The following BCL2L13 variants were observed in gnomAD, a reference collection of about 807,000 sequenced individuals.
BCL2L13 encodes the protein BCL2 like 13.
Under a neutral mutation model 25.8 loss-of-function variants are expected in BCL2L13, and 13 were observed. That is an observed-to-expected ratio of 0.50 (90% CI 0.33 to 0.80). The LOEUF (loss-of-function observed/expected upper bound fraction) is 0.80, where lower values mean the gene tolerates loss of function less well. BCL2L13 is among the 30% of genes least tolerant of loss of function. The probability of loss-of-function intolerance (pLI) is 0.02; values close to 1 mark genes in which losing one functional copy is unlikely to be tolerated. For synonymous variants in BCL2L13, 244 were observed against 230.3 expected (o/e 1.06, Z -0.54); for missense variants, 504 against 574.9 (o/e 0.88, Z 1.26).
chr22:17,663,921 T>A (rs554858428), intron 2 of BCL2L13, among the ~76,000 whole-genome samples: 9 of 152,064 alleles, frequency 5.9e-5, no homozygotes, highest in Admixed American at 5.2e-4. Context: ...CGATCTTGGC[T>A]CACTGCAACC....
Position 17,727,154 on chromosome 22 carries a change from C to T in BCL2L13, c.1078C>T (p.Pro360Ser), listed in dbSNP as rs9306198. ...CACCTCCCTGCTGGGGACAAGGGAACCTGACACAGAAGTGATCACAGTTGA... is the reference window on the plus strand; with the variant it reads ...CACCTCCCTGCTGGGGACAAGGGAATCTGACACAGAAGTGATCACAGTTGA... ...TATSLLGTRE[P>S]DTEVITVEKS... The change falls in exon 7 of 7, where the codon CCT becomes TCT. Residue 360 changes from proline (P) to serine (S), a missense_variant. Coordinates refer to ENST00000317582, the MANE Select transcript of BCL2L13 (RefSeq NM_015367.4). 178,793 of 1,614,130 alleles carry T rather than the reference C, an allele frequency of 0.11. 11,134 individuals are homozygous for T. The highest frequency in any genetic ancestry group is 0.15 in the Middle Eastern group (939 of 6,062).
chr22:17,675,757 G>A (rs543125879), intron 2 of BCL2L13, among the ~76,000 whole-genome samples: 1 of 152,282 alleles, frequency 6.6e-6, no homozygotes, highest in African/African-American at 2.4e-5. Context: ...CAGCTTTTTA[G>A]TAAAACTTCC....
At chr22:17,698,145 T>C (rs7291752) in intron 5 of BCL2L13, among the ~76,000 whole-genome samples, 77,595 of 151,112 alleles carry the variant, frequency 0.51, 20,645 homozygotes, top group East Asian at 0.84. Flanking sequence ...AGTCTCGCTT[T>C]GTTGTCCAGG....
At chr22:17,706,948 A>G in intron 6 of BCL2L13, 2 of 686,442 alleles carry the variant, frequency 2.9e-6, no homozygotes, top group South Asian at 1.8e-5. Context: ...ATATTTAAGT[A>G]TTTTGAATAA....
At chr22:17,674,618 A>T (rs2059522458) in intron 2 of BCL2L13, among the ~76,000 whole-genome samples, 1 of 150,950 alleles carries the variant, frequency 6.6e-6, no homozygotes, top group South Asian at 2.1e-4. Flanking sequence ...AAAAAAAAAA[A>T]AAAAGAAAGA....
Position 17,656,335 on chromosome 22 carries a change from C to CTTTTTTT in BCL2L13, c.121+530_121+536dup, listed in dbSNP as rs890631679. 2.1e-3 allele frequency among the ~76,000 whole-genome samples: 124 copies of CTTTTTTT among 57,890 alleles called. 15 individuals carry two copies. Among genetic ancestry groups the CTTTTTTT allele is most frequent in the East Asian group, 7.0e-3 (8 of 1,140 alleles). The allele number at this position is 57,890 out of a possible 152,430, so 38.0% of individuals were successfully genotyped here. ...CAAAAGTATTTTTTTTCATTTTATT[C>CTTTTTTT]TTTTTTTTTTTTTTTTTTTTTTTTT... On this transcript the variant is annotated intron_variant, in intron 2 of 6. Transcript: ENST00000317582.
chr22:17,706,603 T>G (rs996210844), intron 6 of BCL2L13: 1 of 1,101,958 alleles, frequency 9.1e-7, no homozygotes, highest in African/African-American at 1.6e-5. Flanking sequence ...AAGAGTGTGG[T>G]TTTTTTCCCT....
At chr22:17,686,000 C>T (rs1351887112) in intron 3 of BCL2L13, among the ~76,000 whole-genome samples, 2 of 151,376 alleles carry the variant, frequency 1.3e-5, no homozygotes, top group Non-Finnish European at 2.9e-5. Flanking sequence ...TCTTGATCTC[C>T]TGACCTCATG....
intron 1 of BCL2L13, among the ~76,000 whole-genome samples, chr22:17,631,683 TATATATATATATATATATATATA>T (rs1334812229): frequency 2.5e-4 from 8 of 31,830 alleles, no homozygotes; most frequent in South Asian, 1.7e-3. Context: ...TATATATATA[TATATATATATATATATATATATA>T]TTTTTTTTTT....
rs1251654670 is a variant in BCL2L13, at chr22:17,727,267, G to C, written c.1191G>C (p.Glu397Asp). 1 of 1,614,128 alleles carries C rather than the reference G, an allele frequency of 6.2e-7. No homozygotes were observed. Among genetic ancestry groups the C allele is most frequent in the African/African-American group, 1.3e-5 (1 of 74,944 alleles). The stretch of plus-strand genomic sequence containing the variant: ...CAACTGAACCTACTGAAGTGGAGGA[G>C]GTGGTCCCCGCACTGGAACCCACAG... ...AATTEPTEVE[E>D]VVPALEPTET... Residue 397 changes from glutamate to aspartate, a missense_variant, in exon 7 of 7, where the codon GAG becomes GAC. Coordinates refer to ENST00000317582, the MANE Select transcript of BCL2L13 (RefSeq NM_015367.4).
rs200196801 is a variant in BCL2L13, at chr22:17,683,258, T to C, written c.166T>C (p.Leu56=). The C allele has an allele frequency of 1.0e-4, 164 of 1,595,428 alleles. No individual in the cohort carries two copies. Among genetic ancestry groups the C allele is most frequent in the Non-Finnish European group, 1.3e-5 (15 of 1,168,734 alleles). Residue 56 remains leucine (L), a synonymous_variant, in exon 3 of 7, where the codon TTA becomes CTA. Coordinates refer to ENST00000317582, the MANE Select transcript of BCL2L13 (RefSeq NM_015367.4). ...IASQSLDQEI[L]LKVKTEIEEE... ...TTCACAATCTCTGGATCAAGAAATT[T>C]TATTAAAAGTTAAAACTGAAATTGA...
intron 5 of BCL2L13, among the ~76,000 whole-genome samples, chr22:17,701,720 G>A (rs1337852869): frequency 1.3e-5 from 2 of 152,120 alleles, no homozygotes; most frequent in Non-Finnish European, 2.9e-5. Context: ...GAGGCCAGGA[G>A]TTTGAGACCA....
At position 17,728,643 on chromosome 22, in the gene BCL2L13, T is replaced by G. The variant is rs1350514526; in HGVS notation, c.*1109T>G. 6.6e-6 allele frequency: 1 copy of G among 152,238 alleles called. No individual in the cohort carries two copies. Among genetic ancestry groups the G allele is most frequent in the Non-Finnish European group, 1.5e-5 (1 of 68,036 alleles). 9.4% of individuals were successfully genotyped at this position (152,238 alleles called of 1,614,324 possible). ...GGGTAAGGATTTTTATTCTTGGGCTTATAGAGCCAGTTAGATCATAATTCT... is the reference window on the plus strand; with the variant it reads ...GGGTAAGGATTTTTATTCTTGGGCTGATAGAGCCAGTTAGATCATAATTCT... On this transcript the variant is annotated 3_prime_UTR_variant, in exon 7 of 7. Coordinates refer to ENST00000317582, the MANE Select transcript of BCL2L13 (RefSeq NM_015367.4).
intron 6 of BCL2L13, among the ~76,000 whole-genome samples, chr22:17,704,987 CAAAA>C (rs138284178): frequency 8.8e-6 from 1 of 114,104 alleles, no homozygotes; most frequent in African/African-American, 2.9e-5. Flanking sequence ...GAAAGATAGG[CAAAA>C]AAAAAAAAAA....
chr22:17,701,077 T>C (rs146432294), intron 5 of BCL2L13, among the ~76,000 whole-genome samples: 9 of 152,274 alleles, frequency 5.9e-5, no homozygotes, highest in Non-Finnish European at 1.3e-4. Flanking sequence ...ACCTGAATAC[T>C]TAGTTTTTTT....
chr22:17,643,171 T>C (rs939678673), intron 1 of BCL2L13, among the ~76,000 whole-genome samples: 22 of 152,316 alleles, frequency 1.4e-4, no homozygotes, highest in African/African-American at 5.1e-4. Flanking sequence ...CCTGTTTTAA[T>C]TGGAAAGGGG....
chr22:17,685,625 A>G (rs2059903796), intron 3 of BCL2L13, among the ~76,000 whole-genome samples: 1 of 151,638 alleles, frequency 6.6e-6, no homozygotes, highest in South Asian at 2.1e-4. Context: ...GATGTGTCAT[A>G]TTTTGTTTAT....
intron 2 of BCL2L13, among the ~76,000 whole-genome samples, chr22:17,677,347 G>A (rs2059604031): frequency 6.6e-6 from 1 of 152,172 alleles, no homozygotes; most frequent in African/African-American, 2.4e-5. Context: ...AATACCTGTG[G>A]ATGATAGAAT....
Position 17,730,547 on chromosome 22 carries a change from A to T in BCL2L13, c.*3013A>T, listed in dbSNP as rs2061381792. 1 of 152,212 alleles carries T rather than the reference A, an allele frequency of 6.6e-6. No individual in the cohort carries two copies. The highest frequency in any genetic ancestry group is 1.5e-5 in the Non-Finnish European group (1 of 68,040). 9.4% of individuals were successfully genotyped at this position (152,212 alleles called of 1,614,324 possible). On this transcript the variant is annotated 3_prime_UTR_variant, in exon 7 of 7. Coordinates refer to ENST00000317582, the MANE Select transcript of BCL2L13 (RefSeq NM_015367.4). ...TCTCCTTGCCTTTCTCCTGAAAGGT[A>T]TGAGATGTGGACATTTCAGTGTTTG...
Sources: allele counts gnomAD v4.1 joint callset (sites outside exome capture counted in the v4.1 genomes callset), GRCh38; gene constraint gnomAD v4.1.1; transcripts MANE v1.5; gene names NCBI Gene and HGNC (gene_info 2026-07-23, HGNC 2026-07-21).